Variants in PPP1R9A observed in about 807,000 individuals in gnomAD.
PPP1R9A encodes neurabin-1.
A neutral mutation model predicts 141.9 loss-of-function variants in PPP1R9A; 59 were observed. The observed-to-expected ratio is 0.42, with a 90% CI of 0.34 to 0.52. The LOEUF is 0.52. Among genes scored for constraint, PPP1R9A ranks in the 20% least tolerant of loss-of-function variants. PPP1R9A has a pLI of 0.10. For missense variants in PPP1R9A, 1,444 were observed against 1,611.9 expected (o/e 0.90, Z 1.78); for synonymous variants, 500 against 569.7 (o/e 0.88, Z 1.74).
chr7:94,923,566 C>T lies in PPP1R9A; in HGVS notation c.1395+12058C>T, dbSNP rs568599470. ...CCACAGAATCCATTTGAATATGTTT[C>T]CTGTCCTAAAACACCAGCCAATATG... On this transcript the variant is annotated intron_variant, in intron 2 of 19. Transcript: ENST00000433360. Among the ~76,000 whole-genome samples the T allele has an allele frequency of 3.3e-4, 51 of 152,268 alleles. No homozygotes were observed. The South Asian group carries it at 0.01, about 31-fold the overall frequency.
chr7:95,012,635 A>G (rs976277092), intron 2 of PPP1R9A, among the ~76,000 whole-genome samples: 13 of 152,160 alleles, frequency 8.5e-5, no homozygotes, highest in Non-Finnish European at 1.8e-4. Context: ...AGGAAGAGAT[A>G]CTTTATTTGG....
chr7:95,086,789 A>C (rs991197269), intron 2 of PPP1R9A, among the ~76,000 whole-genome samples: 2 of 152,098 alleles, frequency 1.3e-5, no homozygotes, highest in Non-Finnish European at 2.9e-5. Context: ...AAGATCAGTG[A>C]AAATCACATC....
chr7:95,133,717 G>A (rs1447920568), intron 4 of PPP1R9A, among the ~76,000 whole-genome samples: 1 of 151,802 alleles, frequency 6.6e-6, no homozygotes, highest in Non-Finnish European at 1.5e-5. Flanking sequence ...TTTATTTGGA[G>A]ACAGAGTCTT....
intron 2 of PPP1R9A, among the ~76,000 whole-genome samples, chr7:94,917,574 ATTTTTT>A (rs558296990): frequency 7.1e-5 from 10 of 140,190 alleles, no homozygotes; most frequent in Non-Finnish European, 1.4e-4. Context: ...GCCTGTTATT[ATTTTTT>A]TTTTTTTTGT....
rs777411269 is a variant in PPP1R9A at position 95,293,321 on chromosome 7, G to A, written c.*3018G>A. 6.6e-6 allele frequency: 1 copy of A among 152,072 alleles called. No homozygotes were observed. Among genetic ancestry groups the A allele is most frequent in the Non-Finnish European group, 1.5e-5 (1 of 67,998 alleles). The allele number at this position is 152,072 out of a possible 1,614,324, so 9.4% of individuals were successfully genotyped here. On this transcript the variant is annotated 3_prime_UTR_variant, in exon 20 of 20. Transcript: ENST00000433360. ...TTTTTACCTGAATCAGGAATTTTCTGCAGAATGTTAAGTTAGGGAAGAAAC... is the reference window on the plus strand; with the variant it reads ...TTTTTACCTGAATCAGGAATTTTCTACAGAATGTTAAGTTAGGGAAGAAAC...
intron 2 of PPP1R9A, among the ~76,000 whole-genome samples, chr7:94,991,566 T>A (rs1801513702): frequency 6.6e-6 from 1 of 152,142 alleles, no homozygotes; most frequent in African/African-American, 2.4e-5. Context: ...TTGCCTATGC[T>A]TTTGGGAGTC....
rs1378652134 is a variant in PPP1R9A, at chr7:95,284,024, C to T, written c.3303C>T (p.Phe1101=). 1 of 1,592,126 alleles carries T rather than the reference C, an allele frequency of 6.3e-7. No individual in the cohort carries two copies. Among genetic ancestry groups the T allele is most frequent in the Non-Finnish European group, 8.5e-7 (1 of 1,175,130 alleles). Residue 1101 remains phenylalanine, a synonymous_variant, in exon 17 of 20, where the codon TTC becomes TTT. Transcript: ENST00000433360. ...ASRFSAGSRI[F]RGRLENWTPK... ...CATTCTTTTCACAAAACAGGATCTT[C>T]AGAGGCAGACTGGAAAACTGGACAC...
chr7:95,180,126 A>G (rs1380140054), intron 5 of PPP1R9A, among the ~76,000 whole-genome samples: 2 of 152,222 alleles, frequency 1.3e-5, no homozygotes, highest in Non-Finnish European at 2.9e-5. Flanking sequence ...TTCAAACTAT[A>G]CTATAAGGCC....
chr7:95,198,926 A>G (rs141937989), intron 6 of PPP1R9A, among the ~76,000 whole-genome samples: 45 of 152,350 alleles, frequency 3.0e-4, no homozygotes, highest in South Asian at 8.3e-4. Context: ...ATAGAAAAGT[A>G]CTAAAGATTG....
chr7:95,172,234 A>G (rs1335390923), intron 5 of PPP1R9A, among the ~76,000 whole-genome samples: 1 of 151,676 alleles, frequency 6.6e-6, no homozygotes, highest in Non-Finnish European at 1.5e-5. Context: ...TCAAGATTGT[A>G]CCAGAGGCCA....
chr7:95,133,670 G>C (rs963147331), intron 4 of PPP1R9A, among the ~76,000 whole-genome samples: 46 of 151,732 alleles, frequency 3.0e-4, no homozygotes, highest in African/African-American at 8.7e-4. Flanking sequence ...ACCATGTCCA[G>C]GTGCATTACA....
At chr7:95,208,723 C>CAA (rs534705039) in intron 7 of PPP1R9A, among the ~76,000 whole-genome samples, 1 of 143,336 alleles carries the variant, frequency 7.0e-6, no homozygotes, top group Admixed American at 7.0e-5. Flanking sequence ...GACTCTGTCT[C>CAA]AAAAAAAAAA....
chr7:94,983,288 G>A (rs1800359420), intron 2 of PPP1R9A, among the ~76,000 whole-genome samples: 3 of 152,064 alleles, frequency 2.0e-5, no homozygotes, highest in Admixed American at 2.0e-4. Flanking sequence ...TGTTCTTTTT[G>A]CTTAGGATTG....
chr7:95,103,659 C>A (rs1444254995), intron 2 of PPP1R9A, among the ~76,000 whole-genome samples: 1 of 152,140 alleles, frequency 6.6e-6, no homozygotes, highest in Non-Finnish European at 1.5e-5. Context: ...TGAGCCCCCA[C>A]GCCCAGCCCA....
rs185552157 is a variant in PPP1R9A, at chr7:95,039,200, G to A, written c.1396-72059G>A. Among the ~76,000 whole-genome samples the A allele has an allele frequency of 1.6e-4, 24 of 152,272 alleles. No homozygotes were observed. In the East Asian group the frequency reaches 4.6e-3, roughly 29 times the overall value. ...TTAAAATAACTGATTAATATATTAAGGACTCTAATTTAAGAAGTAGACAAC... is the reference window on the plus strand; with the variant it reads ...TTAAAATAACTGATTAATATATTAAAGACTCTAATTTAAGAAGTAGACAAC... On this transcript the variant is annotated intron_variant, in intron 2 of 19. Transcript: ENST00000433360.
intron 2 of PPP1R9A, among the ~76,000 whole-genome samples, chr7:94,951,041 A>AT (rs1311597766): frequency 6.6e-6 from 1 of 152,090 alleles, no homozygotes; most frequent in Non-Finnish European, 1.5e-5. Context: ...CACCTGTATG[A>AT]TTACCATGTC....
At chr7:95,199,666 CTTGAT>C (rs1789095045) in intron 6 of PPP1R9A, among the ~76,000 whole-genome samples, 1 of 151,958 alleles carries the variant, frequency 6.6e-6, no homozygotes, top group Non-Finnish European at 1.5e-5. Flanking sequence ...ACTCTTAGAA[CTTGAT>C]TTAATTTATT....
Position 94,956,993 on chromosome 7 carries a change from C to A in PPP1R9A, c.1395+45485C>A, listed in dbSNP as rs1797140719. Among the ~76,000 whole-genome samples, 4 of 152,120 alleles carry A rather than the reference C, an allele frequency of 2.6e-5. No individual in the cohort carries two copies. In the South Asian group the frequency reaches 8.3e-4, roughly 31 times the overall value. ...GATCAGTTTGATCAGTTTTCCTTTT[C>A]ACAAATAAAGTGTTAAACATCAAAG... On this transcript the variant is annotated intron_variant, in intron 2 of 19. Coordinates refer to ENST00000433360, the MANE Select transcript of PPP1R9A (RefSeq NM_001166160.2).
chr7:95,294,274 T>C lies in PPP1R9A; in HGVS notation c.*3971T>C, dbSNP rs1806773057. 7.6e-6 allele frequency: 1 copy of C among 131,476 alleles called. No homozygotes were observed. The highest frequency in any genetic ancestry group is 1.5e-5 in the Non-Finnish European group (1 of 64,930). 8.1% of individuals were successfully genotyped at this position (131,476 alleles called of 1,614,324 possible). A position where few individuals can be genotyped will look rare whatever the true frequency, so the allele number is the denominator to read the frequency against. On this transcript the variant is annotated 3_prime_UTR_variant, in exon 20 of 20. Transcript: ENST00000433360. ...AATAAAATGTCCATATTTTCTTTTCTTTTCTTTTTTTTTTTTTTTTTCTGT... is the reference window on the plus strand; with the variant it reads ...AATAAAATGTCCATATTTTCTTTTCCTTTCTTTTTTTTTTTTTTTTTCTGT...
Sources: allele counts gnomAD v4.1 joint callset (sites outside exome capture counted in the v4.1 genomes callset), GRCh38; gene constraint gnomAD v4.1.1; transcripts MANE v1.5; gene names NCBI Gene and HGNC (gene_info 2026-07-23, HGNC 2026-07-21).